The following TRPM6 variants were observed in gnomAD, a reference collection of about 807,000 sequenced individuals.
TRPM6 encodes the protein transient receptor potential cation channel subfamily M member 6, also known as channel kinase 2.
A neutral mutation model predicts 247.6 loss-of-function variants in TRPM6; 111 were observed. The ratio of observed to expected loss-of-function variants is 0.45; its 90% CI spans 0.38 to 0.52. The LOEUF (loss-of-function observed/expected upper bound fraction) is 0.52, where lower values mean the gene tolerates loss of function less well. TRPM6 is among the 20% of genes least tolerant of loss of function. TRPM6 has a pLI of 0.00. For synonymous variants in TRPM6, 892 were observed against 853.8 expected (o/e 1.04, Z -0.78); for missense variants, 2,126 against 2,421.5 (o/e 0.88, Z 2.56).
chr9:74,859,085 T>C (rs1830617315), intron 1 of TRPM6, among the ~76,000 whole-genome samples: 1 of 152,212 alleles, frequency 6.6e-6, no homozygotes, highest in Admixed American at 6.5e-5. Flanking sequence ...TCTTGTACCA[T>C]AATCCTATGG....
chr9:74,812,559 G>T, intron 11 of TRPM6, 126 bp from the exon 12 acceptor site: 1 of 949,696 alleles, frequency 1.1e-6, no homozygotes, highest in Non-Finnish European at 1.6e-6. Context: ...TGCCATCAGT[G>T]GGTACAGAAA....
chr9:74,883,287 T>A (rs573444858), intron 1 of TRPM6, among the ~76,000 whole-genome samples: 1 of 152,338 alleles, frequency 6.6e-6, no homozygotes, highest in East Asian at 1.9e-4. Flanking sequence ...AGTGGTATTG[T>A]TCTGTTGGTC....
intron 3 of TRPM6, among the ~76,000 whole-genome samples, chr9:74,852,888 A>G (rs1463618743): frequency 6.6e-6 from 1 of 152,098 alleles, no homozygotes; most frequent in Non-Finnish European, 1.5e-5. Context: ...AAGTGCCGAG[A>G]TTGCAGCCTC....
At chr9:74,806,614 T>G (rs938174883) in intron 14 of TRPM6, among the ~76,000 whole-genome samples, 1 of 152,214 alleles carries the variant, frequency 6.6e-6, no homozygotes, top group Non-Finnish European at 1.5e-5. Context: ...CTCTGCACCC[T>G]CTGTGTATCA....
At chr9:74,782,947 T>C in intron 21 of TRPM6, 94 bp from the exon 22 acceptor site, 2 of 1,199,716 alleles carry the variant, frequency 1.7e-6, no homozygotes, top group Non-Finnish European at 2.5e-6. Flanking sequence ...TACCTGCAAA[T>C]AATAAGATTG....
intron 33 of TRPM6, among the ~76,000 whole-genome samples, chr9:74,741,357 G>A (rs982036504): frequency 6.6e-6 from 1 of 151,544 alleles, no homozygotes; most frequent in Admixed American, 6.6e-5. Context: ...ATATGAACAC[G>A]GTACTGGTTT....
chr9:74,878,555 TA>T (rs1424012370), intron 1 of TRPM6, among the ~76,000 whole-genome samples: 2 of 152,202 alleles, frequency 1.3e-5, no homozygotes, highest in Admixed American at 1.3e-4. Context: ...GAGACTATAC[TA>T]CTGCACACAC....
chr9:74,823,138 CCT>C (rs1272403995), intron 7 of TRPM6, among the ~76,000 whole-genome samples: 2 of 152,142 alleles, frequency 1.3e-5, no homozygotes, highest in Admixed American at 6.6e-5. Flanking sequence ...CACACTCACC[CCT>C]GAGCAAAAGA....
Position 74,740,003 on chromosome 9 carries a change from TCTC to T in TRPM6, c.5204_5206del (p.Gly1735del). ...CTCCAACCTGTAGACAGTTATTTCTTCTCCTGCTGCAAAGAGAAGTGAAGGCTA... is the reference window on the plus strand; with the variant it reads ...CTCCAACCTGTAGACAGTTATTTCTTCTGCTGCAAAGAGAAGTGAAGGCTA... On this transcript the variant is annotated inframe_deletion, in exon 34 of 39. Coordinates refer to ENST00000360774, the MANE Select transcript of TRPM6 (RefSeq NM_017662.5). 6.2e-7 allele frequency: 1 copy of T among 1,613,964 alleles called. No homozygotes were observed. The highest frequency in any genetic ancestry group is 8.5e-7 in the Non-Finnish European group (1 of 1,180,012).
At position 74,820,348 on chromosome 9, in the gene TRPM6, G is replaced by A. The variant is rs773520605; in HGVS notation, c.1090C>T (p.His364Tyr). 1 of 1,614,118 alleles carries A rather than the reference G, an allele frequency of 6.2e-7. No homozygotes were observed. The highest frequency in any genetic ancestry group is 1.1e-5 in the South Asian group (1 of 91,086). Reference sequence around the variant, plus strand: ...CACTCCATTAGAATTTGGAAAAGGTGCTTGGACTGTTTAAGACTAAAGTTG... The same window carrying A: ...CACTCCATTAGAATTTGGAAAAGGTACTTGGACTGTTTAAGACTAAAGTTG... The part of the protein sequence containing the change: ...TFNFSLKQSK[H>Y]LFQILMECMV... The change falls in exon 9 of 39, where the codon CAC becomes TAC. Residue 364 changes from histidine (H) to tyrosine (Y), a missense_variant. This residue lies in a region of TRPM6 where 1,082 missense variants were observed against 1,307.9 expected (regional missense o/e 0.83). Coordinates refer to ENST00000360774, the MANE Select transcript of TRPM6 (RefSeq NM_017662.5).
At chr9:74,836,504 C>G (rs575794883) in intron 5 of TRPM6, among the ~76,000 whole-genome samples, 26 of 152,306 alleles carry the variant, frequency 1.7e-4, no homozygotes, top group African/African-American at 5.5e-4. Flanking sequence ...AAGTGTGGAG[C>G]CATCCACCCC....
intron 38 of TRPM6, 106 bp downstream of exon 38, chr9:74,728,133 G>T: frequency 2.2e-6 from 2 of 906,234 alleles, no homozygotes; most frequent in Non-Finnish European, 1.8e-6. Context: ...GAATGACGGT[G>T]AATGAGATAA....
intron 3 of TRPM6, among the ~76,000 whole-genome samples, chr9:74,849,118 G>A (rs1830202647): frequency 6.6e-6 from 1 of 152,164 alleles, no homozygotes; most frequent in Non-Finnish European, 1.5e-5. Flanking sequence ...GGGAGGCCGA[G>A]GTGGGCAGAT....
intron 38 of TRPM6, among the ~76,000 whole-genome samples, chr9:74,726,116 T>C (rs1825312874): frequency 6.6e-6 from 1 of 152,240 alleles, no homozygotes; most frequent in African/African-American, 2.4e-5. Flanking sequence ...GATTACCAAA[T>C]GTCTGAATAA....
intron 32 of TRPM6, among the ~76,000 whole-genome samples, chr9:74,743,187 A>C (rs1825919215): frequency 6.6e-6 from 1 of 152,236 alleles, no homozygotes. Context: ...AGTCAAAATA[A>C]TAGATTACTG....
chr9:74,780,426 C>G (rs1338526281), intron 23 of TRPM6, among the ~76,000 whole-genome samples: 1 of 151,528 alleles, frequency 6.6e-6, no homozygotes, highest in Non-Finnish European at 1.5e-5. Flanking sequence ...TGCACTCTAG[C>G]CTGGGTGACA....
chr9:74,842,451 C>T, intron 3 of TRPM6, 108 bp from the exon 4 acceptor site: 7 of 1,139,154 alleles, frequency 6.1e-6, no homozygotes, highest in Non-Finnish European at 9.1e-6. Flanking sequence ...TTTCTTAAAA[C>T]TTCACATTAA....
intron 6 of TRPM6, among the ~76,000 whole-genome samples, chr9:74,830,973 A>C (rs755703686): frequency 1.9e-4 from 29 of 152,074 alleles, no homozygotes; most frequent in Non-Finnish European, 3.4e-4. Context: ...AGACTGGTCC[A>C]AGCATTCCAC....
rs749593029 is a variant in TRPM6 at position 74,821,746 on chromosome 9, G to C, written c.933C>G (p.Asp311Glu). ...LSVWETVKDK[D>E]PVVVCEGTGR... ...CTGTGCCCTCACACACCACCACTGGGTCCTTGTCCTTGACAGTCTCCCACA... is the reference window on the plus strand; with the variant it reads ...CTGTGCCCTCACACACCACCACTGGCTCCTTGTCCTTGACAGTCTCCCACA... The change falls in exon 8 of 39, where the codon GAC becomes GAG. Residue 311 changes from aspartate (D) to glutamate (E), a missense_variant. Coordinates refer to ENST00000360774, the MANE Select transcript of TRPM6 (RefSeq NM_017662.5). The C allele has an allele frequency of 3.7e-6, 6 of 1,614,048 alleles. No homozygotes were observed. Among genetic ancestry groups the C allele is most frequent in the Admixed American group, 3.3e-5 (2 of 59,996 alleles).
Sources: gnomAD v4.1 joint callset for allele counts (sites outside exome capture counted in the v4.1 genomes callset) on GRCh38, gnomAD v4.1.1 for gene constraint, gnomAD v4.1.1 regional missense constraint, MANE v1.5 for transcripts, NCBI Gene and HGNC (gene_info 2026-07-23, HGNC 2026-07-21) for gene names.